Variants in TMEM74 observed in about 807,000 individuals in gnomAD.
TMEM74 encodes the protein transmembrane protein 74.
In TMEM74, 13 loss-of-function variants were observed where a neutral mutation model predicts 18.1. The observed-to-expected ratio is 0.72, with a 90% CI of 0.47 to 1.14. The LOEUF is 1.14. TMEM74 is among the 50% of genes most tolerant of loss of function. The pLI is 0.00. For synonymous variants in TMEM74, 159 were observed against 146.6 expected (o/e 1.08, Z -0.61); for missense variants, 372 against 375.9 (o/e 0.99, Z 0.09).
intron 1 of TMEM74, among the ~76,000 whole-genome samples, chr8:108,686,246 T>G (rs1244512946): frequency 6.6e-6 from 1 of 152,206 alleles, no homozygotes; most frequent in African/African-American, 2.4e-5. Flanking sequence ...TCGCCCAGGC[T>G]GGAGTGCAGT....
At chr8:108,630,117 T>C (rs1026370268) in intron 2 of TMEM74, among the ~76,000 whole-genome samples, 7 of 151,594 alleles carry the variant, frequency 4.6e-5, no homozygotes, top group Non-Finnish European at 7.4e-5. Context: ...ATGCATAGGC[T>C]CAAAATAAAG....
chr8:108,619,038 G>A (rs1467527594), intron 2 of TMEM74, among the ~76,000 whole-genome samples: 1 of 152,140 alleles, frequency 6.6e-6, no homozygotes, highest in Non-Finnish European at 1.5e-5. Flanking sequence ...AGACATAGAA[G>A]TTTATAGCAC....
chr8:108,687,465 C>T (rs921328648), intron 1 of TMEM74, among the ~76,000 whole-genome samples: 1 of 152,032 alleles, frequency 6.6e-6, no homozygotes, highest in Non-Finnish European at 1.5e-5. Context: ...AATTTTGTCA[C>T]GGACAGGGTC....
intron 1 of TMEM74, among the ~76,000 whole-genome samples, chr8:108,671,663 A>G (rs1813006239): frequency 6.6e-6 from 1 of 152,116 alleles, no homozygotes; most frequent in Non-Finnish European, 1.5e-5. Context: ...AGTGGTCTGG[A>G]AGTATGTAAT....
intron 1 of TMEM74, among the ~76,000 whole-genome samples, chr8:108,711,853 A>G (rs986559055): frequency 6.8e-4 from 104 of 152,164 alleles, no homozygotes; most frequent in African/African-American, 2.5e-3. Context: ...ATTATAAGAA[A>G]TGTGCCCAGA....
At chr8:108,711,297 G>A (rs1423710910) in intron 1 of TMEM74, among the ~76,000 whole-genome samples, 1 of 152,130 alleles carries the variant, frequency 6.6e-6, no homozygotes. Flanking sequence ...CCCATGCATT[G>A]TGAATTAAAA....
At chr8:108,756,640 A>AAGGAAGAAAG (rs1813970175) in intron 1 of TMEM74, among the ~76,000 whole-genome samples, 4 of 70,480 alleles carry the variant, frequency 5.7e-5, no homozygotes, top group Admixed American at 1.5e-4. Context: ...GGAAGGAAGG[A>AAGGAAGAAAG]AGAAAGAAAG....
intron 1 of TMEM74, among the ~76,000 whole-genome samples, chr8:108,738,655 C>T (rs966580347): frequency 6.6e-6 from 1 of 152,070 alleles, no homozygotes; most frequent in Non-Finnish European, 1.5e-5. Flanking sequence ...CATCCTGGCC[C>T]ATTGATGGAG....
intron 1 of TMEM74, among the ~76,000 whole-genome samples, chr8:108,730,037 A>G (rs542175999): frequency 6.6e-6 from 1 of 152,200 alleles, no homozygotes; most frequent in Non-Finnish European, 1.5e-5. Context: ...TTCAAAAACA[A>G]TTTTCTCCTT....
At chr8:108,643,257 A>T (rs913635313) in intron 2 of TMEM74, among the ~76,000 whole-genome samples, 2 of 152,178 alleles carry the variant, frequency 1.3e-5, no homozygotes, top group South Asian at 4.1e-4. Context: ...GATTCAGTGC[A>T]TCTGGGATGT....
At chr8:108,705,875 C>T (rs747701243) in intron 1 of TMEM74, among the ~76,000 whole-genome samples, 1 of 152,182 alleles carries the variant, frequency 6.6e-6, no homozygotes, top group Non-Finnish European at 1.5e-5. Flanking sequence ...TAATTAGACA[C>T]CTGCTGCAAA....
At chr8:108,718,527 T>C (rs1363434281) in intron 1 of TMEM74, among the ~76,000 whole-genome samples, 1 of 152,058 alleles carries the variant, frequency 6.6e-6, no homozygotes, top group Non-Finnish European at 1.5e-5. Context: ...ACTCCTCTTG[T>C]GTTTAGTTTT....
intron 1 of TMEM74, among the ~76,000 whole-genome samples, chr8:108,725,480 T>C (rs886798935): frequency 6.6e-5 from 10 of 152,198 alleles, no homozygotes; most frequent in Admixed American, 6.5e-5. Flanking sequence ...CCTAATATTC[T>C]TTTAAATTAT....
chr8:108,681,952 T>C (rs1455854796), intron 1 of TMEM74, among the ~76,000 whole-genome samples: 1 of 152,196 alleles, frequency 6.6e-6, no homozygotes, highest in Admixed American at 6.5e-5. Context: ...ACTTCCTGCA[T>C]GATATATGTC....
At chr8:108,760,623 C>T (rs1814033276) in intron 1 of TMEM74, among the ~76,000 whole-genome samples, 1 of 151,930 alleles carries the variant, frequency 6.6e-6, no homozygotes, top group Non-Finnish European at 1.5e-5. Context: ...GGAAGAGATG[C>T]AATTATCCCC....
chr8:108,700,187 G>A (rs1462800640), intron 1 of TMEM74, among the ~76,000 whole-genome samples: 4 of 149,004 alleles, frequency 2.7e-5, no homozygotes, highest in African/African-American at 7.4e-5. Flanking sequence ...GGGCACCCAC[G>A]TCAAGGGACC....
At chr8:108,679,121 C>T (rs953611714) in intron 1 of TMEM74, among the ~76,000 whole-genome samples, 1 of 152,056 alleles carries the variant, frequency 6.6e-6, no homozygotes, top group African/African-American at 2.4e-5. Flanking sequence ...TGTATATGTG[C>T]CACATTTTCT....
intron 1 of TMEM74, among the ~76,000 whole-genome samples, chr8:108,750,198 A>C (rs760563259): frequency 2.0e-5 from 3 of 152,190 alleles, no homozygotes; most frequent in Non-Finnish European, 4.4e-5. Flanking sequence ...AGATGCATAA[A>C]GCCTCTGAAC....
intron 2 of TMEM74, among the ~76,000 whole-genome samples, chr8:108,651,383 C>T (rs937320612): frequency 6.6e-6 from 1 of 152,094 alleles, no homozygotes; most frequent in African/African-American, 2.4e-5. Flanking sequence ...TCTCTTTCAT[C>T]TGAATATAGT....
Sources: allele counts gnomAD v4.1 joint callset (sites outside exome capture counted in the v4.1 genomes callset), GRCh38; gene constraint gnomAD v4.1.1; transcripts MANE v1.5; gene names NCBI Gene and HGNC (gene_info 2026-07-23, HGNC 2026-07-21).